Variants in PDLIM5 observed in about 807,000 individuals in gnomAD.
PDLIM5 encodes the protein PDZ and LIM domain protein 5.
A neutral mutation model predicts 64.2 loss-of-function variants in PDLIM5; 34 were observed. That is an observed-to-expected ratio of 0.53 (90% CI 0.40 to 0.71). PDLIM5 has a LOEUF of 0.71. Ranked by LOEUF, PDLIM5 falls within the 30% of genes least tolerant of loss-of-function variation. The probability of loss-of-function intolerance (pLI) is 0.00; values close to 1 mark genes in which losing one functional copy is unlikely to be tolerated. For missense variants in PDLIM5, 683 were observed against 733.6 expected, an observed-to-expected ratio of 0.93 and a Z score of 0.80; for synonymous variants, 253 against 269.1, an observed-to-expected ratio of 0.94 and a Z score of 0.59.
chr4:94,616,981 C>A (rs1738834757), intron 7 of PDLIM5, among the ~76,000 whole-genome samples: 1 of 152,170 alleles, frequency 6.6e-6, no homozygotes, highest in Non-Finnish European at 1.5e-5. Context: ...TGCATGGGAC[C>A]AAGTCTGGAG....
At chr4:94,637,931 C>T (rs897451101) in intron 8 of PDLIM5, among the ~76,000 whole-genome samples, 5 of 152,154 alleles carry the variant, frequency 3.3e-5, no homozygotes, top group East Asian at 3.9e-4. Context: ...TGGATTAGAA[C>T]GGAAGGACAG....
At chr4:94,479,479 C>A (rs958850082) in intron 2 of PDLIM5, among the ~76,000 whole-genome samples, 1 of 151,710 alleles carries the variant, frequency 6.6e-6, no homozygotes, top group African/African-American at 2.4e-5. Flanking sequence ...AGGCAAGTGC[C>A]ACCATGCCCG....
At chr4:94,548,907 T>C (rs1732553593) in intron 3 of PDLIM5, among the ~76,000 whole-genome samples, 1 of 152,130 alleles carries the variant, frequency 6.6e-6, no homozygotes, top group Non-Finnish European at 1.5e-5. Context: ...CACAAGTGTT[T>C]TGCCTAACCC....
chr4:94,505,185 G>GT (rs1728279813), intron 2 of PDLIM5, among the ~76,000 whole-genome samples: 3 of 152,112 alleles, frequency 2.0e-5, no homozygotes, highest in African/African-American at 7.2e-5. Context: ...CTACCTACCT[G>GT]GAGATAGCCT....
At position 94,455,347 on chromosome 4, in the gene PDLIM5, G is replaced by A. The variant is rs774347027; in HGVS notation, c.59G>A (p.Gly20Asp). ...GCTCCTTGGGGTTTCCGGCTGCAGG[G>A]CGGTAAGGATTTCAACATGCCTCTG... Reference protein sequence around the residue: ...GPAPWGFRLQGGKDFNMPLTI... With the variant: ...GPAPWGFRLQDGKDFNMPLTI... Residue 20 changes from glycine (G) to aspartate (D), a missense_variant, in exon 2 of 13, where the codon GGC becomes GAC. Transcript: ENST00000317968. 1 of 1,613,558 alleles carries A rather than the reference G, an allele frequency of 6.2e-7. No individual in the cohort carries two copies. Among genetic ancestry groups the A allele is most frequent in the Non-Finnish European group, 8.5e-7 (1 of 1,179,456 alleles).
intron 2 of PDLIM5, among the ~76,000 whole-genome samples, chr4:94,461,912 G>T (rs112070590): frequency 0.022 from 3,356 of 152,236 alleles, 94 homozygotes; most frequent in African/African-American, 0.07. Context: ...TCACCCAGGC[G>T]GGAGTGCAGT....
chr4:94,562,788 G>A (rs1475125823), intron 3 of PDLIM5, among the ~76,000 whole-genome samples: 1 of 152,032 alleles, frequency 6.6e-6, no homozygotes, highest in Non-Finnish European at 1.5e-5. Flanking sequence ...CTTACCTTTT[G>A]GTAAATTAGA....
At chr4:94,528,087 A>G (rs915386149) in intron 3 of PDLIM5, among the ~76,000 whole-genome samples, 2 of 151,968 alleles carry the variant, frequency 1.3e-5, no homozygotes, top group African/African-American at 2.4e-5. Context: ...GATCACCACC[A>G]CTCATCACTG....
rs190156245 is a variant in PDLIM5, at chr4:94,537,981, A to G, written c.248+14106A>G. Among the ~76,000 whole-genome samples the G allele has an allele frequency of 4.2e-3, 643 of 152,294 alleles. 2 individuals carry two copies. Among genetic ancestry groups the G allele is most frequent in the Admixed American group, 7.7e-3 (117 of 15,292 alleles). On this transcript the variant is annotated intron_variant, in intron 3 of 12. Coordinates refer to ENST00000317968, the MANE Select transcript of PDLIM5 (RefSeq NM_006457.5). ...GAATTTTCGCCATTAAATTTATTTC[A>G]TAGGAGACAGAGAAAGGGGCAGTTA...
rs59325015 is a variant in PDLIM5, at chr4:94,628,951, C to CTTTTCCTTTTTT, written c.1108+10762_1108+10773dup. ...ATTTCAATTTTATTCTTTTTTATTT[C>CTTTTCCTTTTTT]TTTTCCTTTTTTTAAGAAAATGAAG... On this transcript the variant is annotated intron_variant, in intron 8 of 12. Transcript: ENST00000317968. 4.0e-3 allele frequency among the ~76,000 whole-genome samples: 601 copies of CTTTTCCTTTTTT among 151,596 alleles called. 4 individuals are homozygous for CTTTTCCTTTTTT. The highest frequency in any genetic ancestry group is 0.014 in the African/African-American group (572 of 41,254).
At chr4:94,635,774 A>G (rs114835179) in intron 8 of PDLIM5, among the ~76,000 whole-genome samples, 200 of 152,330 alleles carry the variant, frequency 1.3e-3, no homozygotes, top group African/African-American at 4.6e-3. Context: ...GACTGCTCAA[A>G]GGTTGCCCAT....
At chr4:94,467,231 C>T (rs910850083) in intron 2 of PDLIM5, among the ~76,000 whole-genome samples, 7 of 151,908 alleles carry the variant, frequency 4.6e-5, no homozygotes, top group African/African-American at 7.3e-5. Context: ...TAATAGAGAA[C>T]GAATGGGAAG....
intron 2 of PDLIM5, among the ~76,000 whole-genome samples, chr4:94,485,993 C>T (rs1057337316): frequency 2.0e-5 from 3 of 152,000 alleles, no homozygotes; most frequent in Non-Finnish European, 4.4e-5. Flanking sequence ...GTCTCAAAGG[C>T]CCCCCTCACG....
intron 2 of PDLIM5, among the ~76,000 whole-genome samples, chr4:94,506,285 G>T (rs1468647257): frequency 6.6e-6 from 1 of 152,170 alleles, no homozygotes; most frequent in Admixed American, 6.5e-5. Flanking sequence ...GATGGTGATT[G>T]TTTCTCTGAT....
chr4:94,481,376 G>A (rs1429577599), intron 2 of PDLIM5, among the ~76,000 whole-genome samples: 1 of 147,256 alleles, frequency 6.8e-6, no homozygotes, highest in African/African-American at 2.5e-5. Context: ...TGCAACCTCC[G>A]CCTCCCTGGT....
At chr4:94,650,983 G>A (rs1312017461) in intron 9 of PDLIM5, among the ~76,000 whole-genome samples, 2 of 152,134 alleles carry the variant, frequency 1.3e-5, no homozygotes, top group Non-Finnish European at 2.9e-5. Context: ...AATACTAGAA[G>A]AGATAGCTGA....
At chr4:94,622,840 T>C (rs1267024973) in intron 8 of PDLIM5, among the ~76,000 whole-genome samples, 1 of 151,956 alleles carries the variant, frequency 6.6e-6, no homozygotes, top group African/African-American at 2.4e-5. Context: ...CCAGCTAATT[T>C]TTGTATTTTT....
At chr4:94,500,771 T>TTTTATTTATTTA (rs111387310) in intron 2 of PDLIM5, among the ~76,000 whole-genome samples, 3 of 148,832 alleles carry the variant, frequency 2.0e-5, no homozygotes, top group African/African-American at 7.4e-5. Context: ...AGTTTATGGA[T>TTTTATTTATTTA]TTTATTTATT....
intron 2 of PDLIM5, among the ~76,000 whole-genome samples, chr4:94,500,978 C>T (rs573570550): frequency 4.0e-4 from 60 of 151,724 alleles, no homozygotes; most frequent in Non-Finnish European, 7.1e-4. Context: ...GACAGGGTTT[C>T]GCCATGTTGG....
Sources: allele counts gnomAD v4.1 joint callset (sites outside exome capture counted in the v4.1 genomes callset), GRCh38; gene constraint gnomAD v4.1.1; transcripts MANE v1.5; gene names NCBI Gene and HGNC (gene_info 2026-07-23, HGNC 2026-07-21).